The following COL6A2 variants were observed in gnomAD, a reference collection of about 807,000 sequenced individuals.
COL6A2 encodes collagen type VI alpha 2 chain.
A neutral mutation model predicts 124.9 loss-of-function variants in COL6A2; 90 were observed. That is an observed-to-expected ratio of 0.72 (90% confidence interval 0.61 to 0.86). The LOEUF is 0.86. Ranked by LOEUF, COL6A2 falls within the 40% of genes least tolerant of loss-of-function variation. The pLI is 0.00. For missense variants in COL6A2, 1,607 were observed against 1,502.5 expected, an observed-to-expected ratio of 1.07 and a Z score of -1.15; for synonymous variants, 793 against 618.2, an observed-to-expected ratio of 1.28 and a Z score of -4.19.
intron 5 of COL6A2, among the ~76,000 whole-genome samples, chr21:46,114,566 TA>T (rs1421603444): frequency 6.6e-6 from 1 of 152,202 alleles, no homozygotes; most frequent in Non-Finnish European, 1.5e-5. Context: ...CAGAAGCTTG[TA>T]AAAAATGAGA....
At chr21:46,101,222 T>G (rs977397577) in intron 1 of COL6A2, among the ~76,000 whole-genome samples, 5 of 152,242 alleles carry the variant, frequency 3.3e-5, no homozygotes, top group Non-Finnish European at 7.3e-5. Flanking sequence ...GAGAAATATC[T>G]GTTTAAGTCC....
intron 27 of COL6A2, chr21:46,129,462 G>T: frequency 6.3e-7 from 1 of 1,598,678 alleles, no homozygotes; most frequent in East Asian, 2.2e-5. Flanking sequence ...CATCGTGGGG[G>T]ACCCCGAGAC....
rs774487338 is a variant in COL6A2 at position 46,125,462 on chromosome 21, C to CA, written c.1817-2dup. Reference sequence around the variant, plus strand: ...CCCCCCGATGACCCTGCCACCCCCCCAGACTGTGAGAAGCGCTGTGGCGCC... The same window carrying CA: ...CCCCCCGATGACCCTGCCACCCCCCCAAGACTGTGAGAAGCGCTGTGGCGCC... On this transcript the variant is annotated splice_region_variant and splice_polypyrimidine_tract_variant and intron_variant, in intron 24 of 27. Transcript: ENST00000300527. 9.3e-6 allele frequency: 15 copies of CA among 1,612,782 alleles called. No homozygotes were observed. The highest frequency in any genetic ancestry group is 2.2e-5 in the South Asian group (2 of 91,082).
At position 46,117,415 on chromosome 21, in the gene COL6A2, A is replaced by G. The variant is rs2123631317; in HGVS notation, c.1015A>G (p.Ile339Val). The change falls in exon 11 of 28, where the codon ATC becomes GTC. Residue 339 changes from isoleucine to valine, a missense_variant. This residue lies in a region of COL6A2 where 1,223 missense variants were observed against 1,052.2 expected (regional missense o/e 1.16). Transcript: ENST00000300527. ...TDGQKGKLGR[I>V]GPPGCKGDPG... Reference sequence around the variant, plus strand: ...TCTCCTTCAGGGCAAGCTGGGGCGCATCGGACCTCCTGGCTGCAAGGGAGA... The same window carrying G: ...TCTCCTTCAGGGCAAGCTGGGGCGCGTCGGACCTCCTGGCTGCAAGGGAGA... 9.3e-6 allele frequency: 15 copies of G among 1,612,802 alleles called. No individual in the cohort carries two copies. Among genetic ancestry groups the G allele is most frequent in the Non-Finnish European group, 1.3e-5 (15 of 1,179,916 alleles).
At chr21:46,128,085 C>T (rs1385589283) in intron 27 of COL6A2, among the ~76,000 whole-genome samples, 3 of 152,182 alleles carry the variant, frequency 2.0e-5, no homozygotes, top group South Asian at 4.1e-4. Flanking sequence ...TGACGTGGGC[C>T]TCGTAGGGTC....
chr21:46,098,887 G>C (rs879574601), intron 1 of COL6A2: 1 of 152,308 alleles, frequency 6.6e-6, no homozygotes, highest in Non-Finnish European at 1.5e-5. Context: ...CCGCCGGGGC[G>C]CTGGTGGAAC....
At chr21:46,127,212 G>A (rs952269309) in intron 27 of COL6A2, among the ~76,000 whole-genome samples, 3 of 152,006 alleles carry the variant, frequency 2.0e-5, no homozygotes, top group African/African-American at 7.3e-5. Flanking sequence ...CTCCAGGAGT[G>A]TGAGGGTAGG....
rs144855400 is a variant in COL6A2, at chr21:46,112,131, G to A, written c.268G>A (p.Val90Met). Residue 90 changes from valine (V) to methionine (M), a missense_variant, in exon 3 of 28, where the codon GTG (valine) becomes ATG (methionine). By Grantham distance (21) the Val-to-Met change is conservative. Coordinates refer to ENST00000300527, the MANE Select transcript of COL6A2 (RefSeq NM_001849.4). ...GCAGAACGAGTTCTACCTGGACCAG[G>A]TGGCGCTGAGCTGGCGCTACGGCGG... ...QLQNEFYLDQ[V>M]ALSWRYGGLH... The A allele has an allele frequency of 1.2e-6, 2 of 1,613,204 alleles. No homozygotes were observed. The highest frequency in any genetic ancestry group is 1.7e-6 in the Non-Finnish European group (2 of 1,180,044).
In COL6A2 at chr21:46,132,033, G is replaced by C. The variant is rs2078766969; in HGVS notation, c.2541G>C (p.Gln847His). The C allele has an allele frequency of 2.5e-6, 4 of 1,608,724 alleles. No homozygotes were observed. The highest frequency in any genetic ancestry group is 1.7e-5 in the Admixed American group (1 of 59,934). Reference protein sequence around the residue: ...LLDGSERLGEQNFHKARRFVE... With the variant: ...LLDGSERLGEHNFHKARRFVE... Reference sequence around the variant, plus strand: ...ACGGCTCCGAGCGGCTGGGTGAGCAGAACTTCCACAAGGCCCGGCGCTTCG... The same window carrying C: ...ACGGCTCCGAGCGGCTGGGTGAGCACAACTTCCACAAGGCCCGGCGCTTCG... The change falls in exon 28 of 28, where the codon CAG (glutamine) becomes CAC (histidine). Residue 847 changes from glutamine to histidine, a missense_variant. By Grantham distance (24) the Gln-to-His change is conservative. This residue lies in a region of COL6A2 where 1,223 missense variants were observed against 1,052.2 expected (regional missense o/e 1.16). Transcript: ENST00000300527.
At chr21:46,129,781 C>A (rs2078736453) in intron 27 of COL6A2, 7 of 1,287,540 alleles carry the variant, frequency 5.4e-6, no homozygotes, top group Non-Finnish European at 4.9e-6. Flanking sequence ...CCAGAATGAC[C>A]TCGCAAGACC....
intron 1 of COL6A2, among the ~76,000 whole-genome samples, chr21:46,101,845 C>T (rs553287270): frequency 3.3e-5 from 3 of 89,574 alleles, no homozygotes; most frequent in African/African-American, 4.4e-5. Context: ...TTATCTTTCA[C>T]GATTTTTTTT....
In COL6A2 at chr21:46,126,342, C is replaced by T. The variant is rs1179162211; in HGVS notation, c.2422+105C>T. On this transcript the variant is annotated intron_variant, in intron 26 of 27. Coordinates refer to ENST00000300527, the MANE Select transcript of COL6A2 (RefSeq NM_001849.4). Reference sequence around the variant, plus strand: ...CTCACCTGAGGGATGAATGTGCAGCCCAGGATCTTGGGCTGTGGGTGGGAA... The same window carrying T: ...CTCACCTGAGGGATGAATGTGCAGCTCAGGATCTTGGGCTGTGGGTGGGAA... The T allele has an allele frequency of 1.1e-5, 16 of 1,519,462 alleles. No individual in the cohort carries two copies. The South Asian group carries it at 1.5e-4, about 14-fold the overall frequency. The allele number at this position is 1,519,462 out of a possible 1,614,324, so 94.1% of individuals were successfully genotyped here.
chr21:46,131,972 G>A lies in COL6A2; in HGVS notation c.2480G>A (p.Cys827Tyr), dbSNP rs11554667. ...CCCACAGAGCTGTCCGTGGCACAGT[G>A]CACGCAGCGGCCCGTGGACATCGTC... ...PCQTELSVAQCTQRPVDIVFL... is the reference protein window; with the variant it reads ...PCQTELSVAQYTQRPVDIVFL... Residue 827 changes from cysteine (C) to tyrosine (Y), a missense_variant, in exon 28 of 28, where the codon TGC becomes TAC. By Grantham distance (194) the Cys-to-Tyr change is radical. Transcript: ENST00000300527. 3.7e-6 allele frequency: 6 copies of A among 1,606,764 alleles called. No individual in the cohort carries two copies. Among genetic ancestry groups the A allele is most frequent in the Admixed American group, 1.7e-5 (1 of 59,710 alleles).
Position 46,125,574 on chromosome 21 carries a change from C to G in COL6A2, c.1926C>G (p.Val642=), listed in dbSNP as rs770537140. ...TLEKNFVINV[V]NRLGAIAKDP... ...AGAAGAACTTCGTCATCAACGTGGTCAACAGGCTGGGTGCCATCGCTAAGG... is the reference window on the plus strand; with the variant it reads ...AGAAGAACTTCGTCATCAACGTGGTGAACAGGCTGGGTGCCATCGCTAAGG... Residue 642 remains valine, a synonymous_variant, in exon 25 of 28, where the codon GTC becomes GTG. Transcript: ENST00000300527. The G allele has an allele frequency of 7.1e-5, 114 of 1,608,488 alleles. No homozygotes were observed. The Admixed American group carries it at 1.9e-3, about 27-fold the overall frequency.
intron 27 of COL6A2, among the ~76,000 whole-genome samples, chr21:46,127,358 C>T (rs1272339646): frequency 1.3e-5 from 2 of 152,088 alleles, no homozygotes; most frequent in African/African-American, 4.8e-5. Context: ...GGGGAGCTCC[C>T]GGTGGGTGAG....
chr21:46,121,330 C>G (rs934955279), intron 17 of COL6A2, among the ~76,000 whole-genome samples: 3 of 152,188 alleles, frequency 2.0e-5, no homozygotes, highest in African/African-American at 7.2e-5. Context: ...CTGAAGGACC[C>G]AGGTTGTGGA....
chr21:46,120,422 C>T, intron 15 of COL6A2, 93 bp from the exon 16 acceptor site: 2 of 1,042,594 alleles, frequency 1.9e-6, no homozygotes. Context: ...CCCAGGCCCC[C>T]TTCCCCAACC....
In COL6A2 at chr21:46,116,236, G is replaced by A. The variant is rs907425756; in HGVS notation, c.901-141G>A. 5.9e-6 allele frequency: 7 copies of A among 1,177,340 alleles called. No homozygotes were observed. The highest frequency in any genetic ancestry group is 8.6e-6 in the Non-Finnish European group (7 of 811,468). The allele number at this position is 1,177,340 out of a possible 1,614,324, so 72.9% of individuals were successfully genotyped here. A position where few individuals can be genotyped will look rare whatever the true frequency, so the allele number is the denominator to read the frequency against. ...AGCCTCCAGCCCGACCCAGGGCTCA[G>A]CCTCCTCCGCAGACTGTTTGTCGAG... is the stretch of plus-strand genomic sequence containing the variant. On this transcript the variant is annotated intron_variant, in intron 7 of 27. Coordinates refer to ENST00000300527, the MANE Select transcript of COL6A2 (RefSeq NM_001849.4). This position sits in a 1 kb window ranked among gnomAD's most constrained non-coding sequence, Gnocchi z 4.6.
chr21:46,120,414 C>T (rs911080064), intron 15 of COL6A2, 101 bp from the exon 16 acceptor site: 3 of 918,064 alleles, frequency 3.3e-6, no homozygotes, highest in Non-Finnish European at 5.1e-6. Flanking sequence ...TTCTTCCTCC[C>T]AGGCCCCCTT....
Sources: allele counts gnomAD v4.1 joint callset (sites outside exome capture counted in the v4.1 genomes callset), GRCh38; gene constraint gnomAD v4.1.1; regional missense constraint gnomAD v4.1.1; non-coding constraint Gnocchi (gnomAD v3.1); transcripts MANE v1.5; gene names NCBI Gene and HGNC (gene_info 2026-07-23, HGNC 2026-07-21).